Variants in SCN1A observed in about 807,000 individuals in gnomAD.
SCN1A encodes sodium channel protein type 1 subunit alpha.
In SCN1A, 13 loss-of-function variants were observed where a neutral mutation model predicts 193.7. The ratio of observed to expected loss-of-function variants is 0.07; its 90% CI spans 0.04 to 0.11. SCN1A has a LOEUF of 0.11. SCN1A is among the 10% of genes least tolerant of loss of function. The pLI, the probability that SCN1A is intolerant of heterozygous loss-of-function variation, is 1.00. For synonymous variants in SCN1A, 781 were observed against 843.6 expected (o/e 0.93, Z 1.29); for missense variants, 1,432 against 2,451.1 (o/e 0.58, Z 8.78).
At chr2:165,995,156 G>C (rs971777901) in intron 27 of SCN1A, among the ~76,000 whole-genome samples, 4 of 151,844 alleles carry the variant, frequency 2.6e-5, no homozygotes, top group Admixed American at 2.6e-4. Context: ...GAGGAATTCT[G>C]AGGGAATTTT....
At chr2:166,070,988 G>A (rs76387243) in intron 4 of SCN1A, among the ~76,000 whole-genome samples, 311 of 152,300 alleles carry the variant, frequency 2.0e-3, no homozygotes, top group African/African-American at 7.2e-3. Context: ...AAAGAGGTGA[G>A]GACCCGGTGT....
chr2:166,081,780 C>G (rs1439352777), intron 2 of SCN1A: 1 of 151,990 alleles, frequency 6.6e-6, no homozygotes, highest in South Asian at 2.1e-4. Context: ...TCTCTCCCTA[C>G]AACCTGGTGA....
intron 2 of SCN1A, among the ~76,000 whole-genome samples, chr2:166,112,905 G>C (rs979086710): frequency 1.3e-5 from 2 of 152,156 alleles, no homozygotes; most frequent in Non-Finnish European, 2.9e-5. Context: ...AAATTATGGA[G>C]TTTGGATAGC....
At chr2:166,071,863 CTG>C (rs1346450301) in intron 4 of SCN1A, 4 of 151,126 alleles carry the variant, frequency 2.6e-5, no homozygotes, top group Non-Finnish European at 5.9e-5. Flanking sequence ...GCACTCCAGT[CTG>C]GGCCACAGAG....
In SCN1A at chr2:166,082,018, A is replaced by G. The variant is rs554960226; in HGVS notation, c.-141-4217T>C. On this transcript the variant is annotated intron_variant, in intron 2 of 28. Coordinates refer to ENST00000674923, the MANE Select transcript of SCN1A (RefSeq NM_001165963.4). ...GATAGTATTTTGTTGTTGATGTGGA[A>G]CAGTGTTAGTCTATAATACAGGCTT... 4.6e-5 allele frequency among the ~76,000 whole-genome samples: 7 copies of G among 152,182 alleles called. No individual in the cohort carries two copies. The South Asian group carries it at 1.4e-3, about 32-fold the overall frequency.
At chr2:166,037,382 T>C (rs1301597060) in intron 18 of SCN1A, among the ~76,000 whole-genome samples, 1 of 152,206 alleles carries the variant, frequency 6.6e-6, no homozygotes, top group Admixed American at 6.5e-5. Flanking sequence ...ACTTTCTCTC[T>C]ACTTTTTTTA....
At chr2:166,011,763 G>C (rs760664143) in intron 22 of SCN1A, among the ~76,000 whole-genome samples, 21 of 151,160 alleles carry the variant, frequency 1.4e-4, no homozygotes, top group Admixed American at 1.3e-3. Context: ...ATGGTCCTGG[G>C]ATACAAACTT....
chr2:166,051,962 T>C lies in SCN1A; in HGVS notation c.721A>G (p.Ile241Val). The change falls in exon 9 of 29, where the codon ATC becomes GTC. Residue 241 changes from isoleucine to valine, a missense_variant. By Grantham distance (29) the Ile-to-Val change is conservative. Around this residue, in one of 18 missense-constraint regions of SCN1A, gnomAD observed 123 missense variants for 282.8 expected, o/e 0.43. Transcript: ENST00000674923. ...TCTGAGAGCTTCTTCACAGACTGGATCAGGGCTCCCACAATGGTTTTCAGG... is the reference window on the plus strand; with the variant it reads ...TCTGAGAGCTTCTTCACAGACTGGACCAGGGCTCCCACAATGGTTTTCAGG... ...PGLKTIVGAL[I>V]QSVKKLSDVM... 6.2e-7 allele frequency: 1 copy of C among 1,611,978 alleles called. No individual in the cohort carries two copies. The highest frequency in any genetic ancestry group is 8.5e-7 in the Non-Finnish European group (1 of 1,178,602).
At chr2:166,000,413 GT>G (rs534954510) in intron 24 of SCN1A, among the ~76,000 whole-genome samples, 337 of 151,778 alleles carry the variant, frequency 2.2e-3, no homozygotes, top group African/African-American at 7.8e-3. Context: ...AATAAGAAAT[GT>G]GAACAATAGT....
intron 2 of SCN1A, among the ~76,000 whole-genome samples, chr2:166,122,721 G>A (rs1337964767): frequency 4.6e-5 from 7 of 151,970 alleles, no homozygotes; most frequent in Admixed American, 4.6e-4. Flanking sequence ...TATGCAAAAA[G>A]TTGACTCAGA....
At chr2:165,995,350 C>A (rs184552671) in intron 27 of SCN1A, among the ~76,000 whole-genome samples, 49 of 151,864 alleles carry the variant, frequency 3.2e-4, no homozygotes, top group African/African-American at 1.1e-3. Flanking sequence ...AGATCATCAT[C>A]ATAAAAATAT....
intron 28 of SCN1A, 124 bp downstream of exon 28, chr2:165,994,022 A>T: frequency 1.2e-6 from 1 of 818,662 alleles, no homozygotes; most frequent in Non-Finnish European, 1.9e-6. Context: ...ACACACTTGG[A>T]TAAAATGTAT....
rs1574204980 is a variant in SCN1A at position 166,041,522 on chromosome 2, A to G, written c.2177-53T>C. 3.5e-6 allele frequency: 4 copies of G among 1,147,792 alleles called. No individual in the cohort carries two copies. The East Asian group carries it at 9.4e-5, about 27-fold the overall frequency. 71.1% of individuals were successfully genotyped at this position (1,147,792 alleles called of 1,614,324 possible). A position where few individuals can be genotyped will look rare whatever the true frequency, so the allele number is the denominator to read the frequency against. ...CCACCAAAAGGTATACTTTATACAC[A>G]CACATTTATTTCATATCCACTAAAC... On this transcript the variant is annotated intron_variant, in intron 15 of 28. Transcript: ENST00000674923.
chr2:166,030,786 T>C (rs189318099), intron 19 of SCN1A, among the ~76,000 whole-genome samples: 8 of 152,206 alleles, frequency 5.3e-5, no homozygotes, highest in Non-Finnish European at 7.4e-5. Context: ...CAAAAAATTA[T>C]TGGGCAACTG....
In SCN1A at chr2:166,015,707, G is replaced by A. The variant is rs727504137; in HGVS notation, c.3450C>T (p.Ser1150=). The change falls in exon 20 of 29, where the codon AGC becomes AGT. Residue 1150 remains serine (S), a synonymous_variant. Transcript: ENST00000674923. ...TGTCCACAGTGCTACCTTCTGATGAGCTACTGCTTTCATTCAGTTTCTGTA... is the reference window on the plus strand; with the variant it reads ...TGTCCACAGTGCTACCTTCTGATGAACTACTGCTTTCATTCAGTTTCTGTA... The part of the protein sequence containing the change: ...ESKEKLNESS[S]SSEGSTVDIG... 15 of 1,612,712 alleles carry A rather than the reference G, an allele frequency of 9.3e-6. No homozygotes were observed. Among genetic ancestry groups the A allele is most frequent in the African/African-American group, 1.3e-5 (1 of 74,956 alleles).
In SCN1A at chr2:166,052,806, C is replaced by T. The variant is rs1401880874; in HGVS notation, c.694+46G>A. ...ACTGAATGTCAAGCAGAGAAGGATG[C>T]TGAATCACATGATGGGTCCGTCTCA... On this transcript the variant is annotated intron_variant, in intron 8 of 28. Transcript: ENST00000674923. The T allele has an allele frequency of 5.6e-6, 8 of 1,433,140 alleles. No individual in the cohort carries two copies. The East Asian group carries it at 1.6e-4, about 29-fold the overall frequency. 88.8% of individuals were successfully genotyped at this position (1,433,140 alleles called of 1,614,324 possible). A position where few individuals can be genotyped will look rare whatever the true frequency, so the allele number is the denominator to read the frequency against.
intron 1 of SCN1A, among the ~76,000 whole-genome samples, chr2:166,138,243 A>G (rs1691941600): frequency 6.6e-6 from 1 of 152,246 alleles, no homozygotes; most frequent in Non-Finnish European, 1.5e-5. Context: ...AGCTAGCTGC[A>G]GAAATTTGCA....
chr2:166,080,902 T>G (rs10176603), intron 2 of SCN1A, among the ~76,000 whole-genome samples: 73,117 of 151,622 alleles, frequency 0.48, 17,930 homozygotes, highest in South Asian at 0.54. Flanking sequence ...ATTAACAGAT[T>G]ACCTTCTCGG....
At chr2:166,061,921 C>T (rs62179393) in intron 4 of SCN1A, among the ~76,000 whole-genome samples, 31,389 of 151,940 alleles carry the variant, frequency 0.21, 3,495 homozygotes, top group East Asian at 0.37. Context: ...AGTGTATTCC[C>T]TTTATTCATT....
Sources: allele counts gnomAD v4.1 joint callset (sites outside exome capture counted in the v4.1 genomes callset), GRCh38; gene constraint gnomAD v4.1.1; regional missense constraint gnomAD v4.1.1; transcripts MANE v1.5; gene names NCBI Gene and HGNC (gene_info 2026-07-23, HGNC 2026-07-21).